The following UNC5D variants were observed in gnomAD, a reference collection of about 807,000 sequenced individuals.
UNC5D encodes the protein netrin receptor UNC5D.
In UNC5D, 39 loss-of-function variants were observed where a neutral mutation model predicts 105.4. The ratio of observed to expected loss-of-function variants is 0.37; its 90% CI spans 0.29 to 0.48. UNC5D has a LOEUF of 0.48. Ranked by LOEUF, UNC5D falls within the 20% of genes least tolerant of loss-of-function variation. The probability of loss-of-function intolerance (pLI) is 0.98; values close to 1 mark genes in which losing one functional copy is unlikely to be tolerated. For missense variants in UNC5D, 991 were observed against 1,202.4 expected (o/e 0.82, Z 2.60); for synonymous variants, 452 against 450.4 (o/e 1.00, Z -0.04).
intron 1 of UNC5D, among the ~76,000 whole-genome samples, chr8:35,355,725 T>C (rs1269871656): frequency 6.6e-6 from 1 of 152,064 alleles, no homozygotes; most frequent in Admixed American, 6.6e-5. Flanking sequence ...TAGGAAGTGA[T>C]TAAGTCATAA....
chr8:35,559,558 A>C (rs1388322861), intron 2 of UNC5D, among the ~76,000 whole-genome samples: 1 of 152,198 alleles, frequency 6.6e-6, no homozygotes, highest in African/African-American at 2.4e-5. Context: ...GTGGTGGATA[A>C]AAAGCTCAGG....
chr8:35,417,681 C>T (rs1435144485), intron 1 of UNC5D, among the ~76,000 whole-genome samples: 1 of 152,000 alleles, frequency 6.6e-6, no homozygotes, highest in African/African-American at 2.4e-5. Flanking sequence ...TTTAAACATG[C>T]TAATCTCTTT....
At chr8:35,305,576 T>C (rs1808281109) in intron 1 of UNC5D, among the ~76,000 whole-genome samples, 1 of 87,366 alleles carries the variant, frequency 1.1e-5, no homozygotes, top group Non-Finnish European at 2.7e-5. Flanking sequence ...TCTTTCTTTC[T>C]TTTTCTTTCT....
At chr8:35,265,138 A>G (rs1472782286) in intron 1 of UNC5D, among the ~76,000 whole-genome samples, 1 of 152,228 alleles carries the variant, frequency 6.6e-6, no homozygotes, top group Non-Finnish European at 1.5e-5. Context: ...AAATCACTTT[A>G]AAGTGACCTT....
At chr8:35,364,552 A>G (rs973829549) in intron 1 of UNC5D, among the ~76,000 whole-genome samples, 1 of 152,112 alleles carries the variant, frequency 6.6e-6, no homozygotes, top group African/African-American at 2.4e-5. Context: ...GTATTTGGAA[A>G]CCATGGTTGG....
chr8:35,653,252 T>C (rs1238945011), intron 4 of UNC5D, among the ~76,000 whole-genome samples: 1 of 152,116 alleles, frequency 6.6e-6, no homozygotes, highest in Non-Finnish European at 1.5e-5. Context: ...ATTTGTCCAC[T>C]TGGGATTCAT....
chr8:35,242,173 G>A (rs1442270337), intron 1 of UNC5D, among the ~76,000 whole-genome samples: 1 of 152,102 alleles, frequency 6.6e-6, no homozygotes, highest in African/African-American at 2.4e-5. Context: ...GTATTTAAGG[G>A]TATTTTTCCA....
intron 1 of UNC5D, among the ~76,000 whole-genome samples, chr8:35,500,012 C>G (rs1479699204): frequency 6.6e-6 from 1 of 152,174 alleles, no homozygotes; most frequent in African/African-American, 2.4e-5. Context: ...CACTCAAACC[C>G]TAAACAGTAT....
intron 1 of UNC5D, among the ~76,000 whole-genome samples, chr8:35,274,141 G>C (rs1805609953): frequency 6.6e-6 from 1 of 152,034 alleles, no homozygotes; most frequent in South Asian, 2.1e-4. Context: ...GAGCTTGCTG[G>C]TACCAGGTGG....
intron 1 of UNC5D, among the ~76,000 whole-genome samples, chr8:35,411,839 T>C (rs1305347980): frequency 6.6e-6 from 1 of 152,130 alleles, no homozygotes; most frequent in Non-Finnish European, 1.5e-5. Context: ...GTCCTTGCCA[T>C]ATTATATTTT....
chr8:35,529,955 T>A (rs1814211134), intron 1 of UNC5D, among the ~76,000 whole-genome samples: 1 of 151,246 alleles, frequency 6.6e-6, no homozygotes, highest in South Asian at 2.1e-4. Flanking sequence ...GCTGAGACAA[T>A]GGGGTTTTCT....
chr8:35,544,671 C>T (rs1199017751), intron 1 of UNC5D: 13 of 1,140,426 alleles, frequency 1.1e-5, no homozygotes, highest in Middle Eastern at 3.2e-4. Flanking sequence ...AGTGTGATCA[C>T]GGCTCACGGC....
chr8:35,660,339 A>G (rs1207027779), intron 4 of UNC5D, among the ~76,000 whole-genome samples: 2 of 152,188 alleles, frequency 1.3e-5, no homozygotes, highest in Non-Finnish European at 2.9e-5. Flanking sequence ...AGCTTCTTCC[A>G]CTTGCTGTTA....
At chr8:35,626,111 A>C (rs534611702) in intron 4 of UNC5D, among the ~76,000 whole-genome samples, 2 of 151,684 alleles carry the variant, frequency 1.3e-5, no homozygotes, top group South Asian at 4.2e-4. Context: ...TGGGAGCTCT[A>C]TGCTGTAAAG....
chr8:35,699,714 C>T (rs867420909), intron 7 of UNC5D, among the ~76,000 whole-genome samples: 21 of 152,142 alleles, frequency 1.4e-4, no homozygotes, highest in African/African-American at 4.6e-4. Context: ...TCTATACAGG[C>T]TGGGAAGCTG....
intron 4 of UNC5D, among the ~76,000 whole-genome samples, chr8:35,619,863 TACTG>T (rs1821246642): frequency 6.6e-6 from 1 of 152,216 alleles, no homozygotes; most frequent in African/African-American, 2.4e-5. Flanking sequence ...TTGTTCTTTC[TACTG>T]CACCTGTTGC....
At chr8:35,731,626 C>T (rs1305257777) in intron 11 of UNC5D, among the ~76,000 whole-genome samples, 1 of 152,078 alleles carries the variant, frequency 6.6e-6, no homozygotes, top group African/African-American at 2.4e-5. Context: ...ACACAAGAGA[C>T]ACCAAATGGA....
chr8:35,410,094 C>T (rs535297509), intron 1 of UNC5D, among the ~76,000 whole-genome samples: 1 of 151,858 alleles, frequency 6.6e-6, no homozygotes, highest in Non-Finnish European at 1.5e-5. Context: ...CTCCACTTTA[C>T]GTCTTGGATA....
chr8:35,772,861 A>C (rs1367166752), intron 15 of UNC5D, among the ~76,000 whole-genome samples: 1 of 151,234 alleles, frequency 6.6e-6, no homozygotes, highest in African/African-American at 2.4e-5. Flanking sequence ...TTTAGGACTA[A>C]GGTCCCCATT....
Sources: gnomAD v4.1 joint callset for allele counts (sites outside exome capture counted in the v4.1 genomes callset) on GRCh38, gnomAD v4.1.1 for gene constraint, MANE v1.5 for transcripts, NCBI Gene and HGNC (gene_info 2026-07-23, HGNC 2026-07-21) for gene names.